KIAA0513: variants seen among roughly 807,000 people sequenced by gnomAD.
KIAA0513 encodes KIAA0513, also known as uncharacterized protein KIAA0513.
Under a neutral mutation model 56.5 loss-of-function variants are expected in KIAA0513, and 39 were observed. The ratio of observed to expected loss-of-function variants is 0.69; its 90% CI spans 0.53 to 0.90. The LOEUF is 0.90. Among genes scored for constraint, KIAA0513 ranks in the 40% least tolerant of loss-of-function variants. KIAA0513 has a pLI of 0.00. For synonymous variants in KIAA0513, 268 were observed against 215.6 expected (o/e 1.24, Z -2.13); for missense variants, 591 against 535.2 (o/e 1.10, Z -1.03).
At position 85,042,989 on chromosome 16, in the gene KIAA0513, C is replaced by T. The variant is rs149742324; in HGVS notation, c.-173+15131C>T. On this transcript the variant is annotated intron_variant, in intron 1 of 12. Transcript: ENST00000683363. ...CTGTGATTGTATATAACTTCTCTAA[C>T]GGGTGGAATAAACATCTTTATTTTT... Among the ~76,000 whole-genome samples, 496 of 152,244 alleles carry T rather than the reference C, an allele frequency of 3.3e-3. 5 individuals are homozygous for T. The highest frequency in any genetic ancestry group is 9.0e-3 in the African/African-American group (373 of 41,554).
intron 1 of KIAA0513, among the ~76,000 whole-genome samples, chr16:85,038,442 C>T (rs909131949): frequency 6.6e-6 from 1 of 152,148 alleles, no homozygotes; most frequent in Non-Finnish European, 1.5e-5. Context: ...TGCAGTGGCT[C>T]ATGCCTGTAA....
At chr16:85,068,349 T>TC (rs2073520751) in intron 2 of KIAA0513, among the ~76,000 whole-genome samples, 2 of 149,788 alleles carry the variant, frequency 1.3e-5, no homozygotes, top group Admixed American at 1.3e-4. Flanking sequence ...TGTTTTTTTT[T>TC]TGAGACAGAG....
At chr16:85,047,633 G>A (rs1277119373) in intron 1 of KIAA0513, among the ~76,000 whole-genome samples, 5 of 152,168 alleles carry the variant, frequency 3.3e-5, no homozygotes, top group African/African-American at 7.2e-5. Context: ...CACCACTGCC[G>A]CTGTGGAATT....
intron 1 of KIAA0513, among the ~76,000 whole-genome samples, chr16:85,047,222 C>T (rs547055781): frequency 6.6e-6 from 1 of 152,334 alleles, no homozygotes; most frequent in East Asian, 1.9e-4. Context: ...GTGTGGGCCC[C>T]GGGCATGCTC....
intron 1 of KIAA0513, among the ~76,000 whole-genome samples, chr16:85,051,496 C>G (rs1567527991): frequency 6.6e-6 from 1 of 152,176 alleles, no homozygotes; most frequent in Non-Finnish European, 1.5e-5. Flanking sequence ...TCCCCATTCC[C>G]CTTCCCGCTT....
chr16:85,073,498 C>T (rs117348229), intron 4 of KIAA0513, among the ~76,000 whole-genome samples: 1 of 152,328 alleles, frequency 6.6e-6, no homozygotes, highest in East Asian at 1.9e-4. Flanking sequence ...AAGGGCATGG[C>T]TGCCAGCTGG....
intron 1 of KIAA0513, among the ~76,000 whole-genome samples, chr16:85,034,718 GC>G (rs997790077): frequency 2.6e-5 from 4 of 152,186 alleles, no homozygotes; most frequent in African/African-American, 9.7e-5. Flanking sequence ...TGTGCCCAGT[GC>G]CTTATGGGGC....
At chr16:85,070,444 G>A (rs937300688) in intron 2 of KIAA0513, among the ~76,000 whole-genome samples, 3 of 152,172 alleles carry the variant, frequency 2.0e-5, no homozygotes, top group Non-Finnish European at 2.9e-5. Context: ...TTTGGGAGGC[G>A]AGGCAGGTGT....
At position 85,087,164 on chromosome 16, in the gene KIAA0513, A is replaced by G; in HGVS notation, c.1184A>G (p.Glu395Gly). 6.2e-7 allele frequency: 1 copy of G among 1,613,518 alleles called. No individual in the cohort carries two copies. Among genetic ancestry groups the G allele is most frequent in the East Asian group, 2.2e-5 (1 of 44,870 alleles). The change falls in exon 12 of 13, where the codon GAA becomes GGA. Residue 395 changes from glutamate (E) to glycine (G), a missense_variant and splice_region_variant. By Grantham distance (98) the Glu-to-Gly change is moderately conservative (BLOSUM62 -2). Transcript: ENST00000683363. ...KKQAVIGNLDEEQYKLLSDHI... is the reference protein window; with the variant it reads ...KKQAVIGNLDGEQYKLLSDHI... ...CAGGCTGTGATTGGCAACCTGGATGAAGGTGCGTCTGGGGGAGGCTGCTGG... is the reference window on the plus strand; with the variant it reads ...CAGGCTGTGATTGGCAACCTGGATGGAGGTGCGTCTGGGGGAGGCTGCTGG...
At chr16:85,062,253 A>G (rs1166340565) in intron 1 of KIAA0513, among the ~76,000 whole-genome samples, 1 of 151,944 alleles carries the variant, frequency 6.6e-6, no homozygotes. Flanking sequence ...GGTCTCACTC[A>G]TGGCTTCATT....
rs1259267486 is a variant in KIAA0513 at position 85,093,510 on chromosome 16, A to G, written c.*5185A>G. 1 of 152,614 alleles carries G rather than the reference A, an allele frequency of 6.6e-6. No individual in the cohort carries two copies. The highest frequency in any genetic ancestry group is 1.5e-5 in the Non-Finnish European group (1 of 68,034). 9.5% of individuals were successfully genotyped at this position (152,614 alleles called of 1,614,324 possible). ...GCTATAAGGGACTTTGCACTTTAAA[A>G]AGGGGATGCCTGTCAGTAAATCCCC... On this transcript the variant is annotated 3_prime_UTR_variant, in exon 13 of 13. Transcript: ENST00000683363.
At chr16:85,078,024 A>G (rs1425247475) in intron 6 of KIAA0513, among the ~76,000 whole-genome samples, 2 of 152,086 alleles carry the variant, frequency 1.3e-5, no homozygotes, top group African/African-American at 4.8e-5. Flanking sequence ...TCTGACAGAC[A>G]CTCGAGGAAT....
chr16:85,056,828 C>G (rs919504100), intron 1 of KIAA0513, among the ~76,000 whole-genome samples: 5 of 152,038 alleles, frequency 3.3e-5, no homozygotes, highest in Admixed American at 3.3e-4. Flanking sequence ...GCCTCCCAGA[C>G]AGCTGGGTAC....
intron 1 of KIAA0513, among the ~76,000 whole-genome samples, chr16:85,035,568 G>A (rs2073024145): frequency 6.6e-6 from 1 of 152,334 alleles, no homozygotes; most frequent in African/African-American, 2.4e-5. Context: ...ACCGCTCACT[G>A]CAGCCTTGAT....
At chr16:85,074,117 G>A (rs1292260501) in intron 4 of KIAA0513, among the ~76,000 whole-genome samples, 3 of 151,856 alleles carry the variant, frequency 2.0e-5, no homozygotes, top group African/African-American at 7.3e-5. Context: ...TGGGATTACG[G>A]GCACGCACTA....
At chr16:85,038,265 TC>T (rs909079491) in intron 1 of KIAA0513, among the ~76,000 whole-genome samples, 65 of 152,308 alleles carry the variant, frequency 4.3e-4, no homozygotes, top group African/African-American at 1.5e-3. Flanking sequence ...CATAGTGACC[TC>T]CCCGCTTTCT....
At chr16:85,068,624 G>A (rs983097807) in intron 2 of KIAA0513, among the ~76,000 whole-genome samples, 3 of 152,062 alleles carry the variant, frequency 2.0e-5, no homozygotes, top group East Asian at 3.9e-4. Context: ...GAGCCACCAC[G>A]CCTGGCCAGT....
rs528622816 is a variant in KIAA0513 at position 85,076,137 on chromosome 16, T to G, written c.574+223T>G. Among the ~76,000 whole-genome samples the G allele has an allele frequency of 6.6e-6, 1 of 150,830 alleles. No individual in the cohort carries two copies. The highest frequency in any genetic ancestry group is 2.5e-5 in the African/African-American group (1 of 40,260). On this transcript the variant is annotated intron_variant, in intron 5 of 12. Coordinates refer to ENST00000683363, the MANE Select transcript of KIAA0513 (RefSeq NM_001388359.1). This position sits in a 1 kb window ranked among gnomAD's most constrained non-coding sequence, Gnocchi z 4.7. The stretch of plus-strand genomic sequence containing the variant: ...TACGAAGGAAACTCTCCTGGGGCAG[T>G]AGGTTGACTGACCAGGGTGCAAAGG...
intron 3 of KIAA0513, among the ~76,000 whole-genome samples, chr16:85,072,583 G>T (rs1032854478): frequency 6.6e-6 from 1 of 152,066 alleles, no homozygotes. Flanking sequence ...GCAAAGAGAA[G>T]TTAATTACCC....
Sources: gnomAD v4.1 joint callset for allele counts (sites outside exome capture counted in the v4.1 genomes callset) on GRCh38, gnomAD v4.1.1 for gene constraint, Gnocchi (gnomAD v3.1) non-coding constraint, MANE v1.5 for transcripts, NCBI Gene and HGNC (gene_info 2026-07-23, HGNC 2026-07-21) for gene names.